The following JPH1 variants were observed in gnomAD, a reference collection of about 807,000 sequenced individuals.
JPH1 encodes the protein junctophilin 1, also known as junctophilin-1.
Under a neutral mutation model 53.6 loss-of-function variants are expected in JPH1, and 12 were observed. That is an observed-to-expected ratio of 0.22 (90% CI 0.14 to 0.36). The LOEUF is 0.36. JPH1 is among the 10% of genes least tolerant of loss of function. The pLI is 1.00. For synonymous variants in JPH1, 375 were observed against 363.8 expected, an observed-to-expected ratio of 1.03 and a Z score of -0.35; for missense variants, 808 against 905.5, an observed-to-expected ratio of 0.89 and a Z score of 1.38.
intron 2 of JPH1, among the ~76,000 whole-genome samples, chr8:74,303,691 C>T (rs188487146): frequency 1.3e-5 from 2 of 152,206 alleles, no homozygotes; most frequent in Admixed American, 1.3e-4. Context: ...TCAAGTGATC[C>T]TCCTGCCTCA....
At chr8:74,313,605 AT>A (rs143823341) in intron 2 of JPH1, among the ~76,000 whole-genome samples, 10 of 150,692 alleles carry the variant, frequency 6.6e-5, no homozygotes, top group South Asian at 2.1e-4. Context: ...TGATGTCACC[AT>A]TTTTTTTTGT....
chr8:74,288,776 AT>A (rs1170189162), intron 2 of JPH1, among the ~76,000 whole-genome samples: 1 of 152,262 alleles, frequency 6.6e-6, no homozygotes, highest in Non-Finnish European at 1.5e-5. Context: ...TGGCGCAAAA[AT>A]AGCAATTACT....
At chr8:74,279,431 C>A (rs1806944922) in intron 2 of JPH1, among the ~76,000 whole-genome samples, 1 of 152,164 alleles carries the variant, frequency 6.6e-6, no homozygotes, top group Non-Finnish European at 1.5e-5. Flanking sequence ...AGTCCTAAAA[C>A]CAGGGCTGCC....
chr8:74,285,378 C>T (rs909839487), intron 2 of JPH1, among the ~76,000 whole-genome samples: 6 of 151,448 alleles, frequency 4.0e-5, no homozygotes, highest in South Asian at 2.1e-4. Context: ...GCATGTGAGC[C>T]GGTACTACTT....
chr8:74,250,997 A>C (rs1344377761), intron 3 of JPH1, among the ~76,000 whole-genome samples: 2 of 152,220 alleles, frequency 1.3e-5, no homozygotes, highest in Non-Finnish European at 2.9e-5. Context: ...ACTGGTGAAC[A>C]TGGAATCAGA....
At chr8:74,254,126 C>A (rs1330694776) in intron 3 of JPH1, among the ~76,000 whole-genome samples, 4 of 152,000 alleles carry the variant, frequency 2.6e-5, no homozygotes, top group Non-Finnish European at 5.9e-5. Context: ...TTGATGAACA[C>A]TGATGCAAAA....
intron 2 of JPH1, 58 bp from the exon 3 acceptor site, chr8:74,259,561 G>T: frequency 1.7e-6 from 2 of 1,205,718 alleles, no homozygotes; most frequent in Non-Finnish European, 2.3e-6. Flanking sequence ...CTTACACAGG[G>T]ACAAGCAAAT....
chr8:74,319,351 GA>G (rs1346951391), intron 1 of JPH1, among the ~76,000 whole-genome samples: 1 of 152,088 alleles, frequency 6.6e-6, no homozygotes, highest in East Asian at 1.9e-4. Flanking sequence ...TTTGAGCATG[GA>G]ATTTAGTTAT....
intron 2 of JPH1, among the ~76,000 whole-genome samples, chr8:74,295,084 G>A (rs1453394912): frequency 1.3e-5 from 2 of 152,164 alleles, no homozygotes; most frequent in East Asian, 3.9e-4. Flanking sequence ...AAACAAATGA[G>A]AGCTCCTAAT....
intron 2 of JPH1, among the ~76,000 whole-genome samples, chr8:74,296,844 C>T (rs1296822279): frequency 6.6e-6 from 1 of 152,072 alleles, no homozygotes; most frequent in Non-Finnish European, 1.5e-5. Flanking sequence ...ATAAATATAT[C>T]CAAGAAATCC....
At chr8:74,287,410 ACT>A (rs965908429) in intron 2 of JPH1, among the ~76,000 whole-genome samples, 29 of 149,242 alleles carry the variant, frequency 1.9e-4, no homozygotes, top group African/African-American at 6.8e-4. Context: ...ACAGAGCGAG[ACT>A]CTGTCTCAAA....
chr8:74,256,818 T>C (rs968604204), intron 3 of JPH1, among the ~76,000 whole-genome samples: 1 of 152,230 alleles, frequency 6.6e-6, no homozygotes, highest in Non-Finnish European at 1.5e-5. Flanking sequence ...GGAAAATATC[T>C]GAAAATACTG....
chr8:74,282,161 G>A (rs752063825), intron 2 of JPH1, among the ~76,000 whole-genome samples: 2 of 152,124 alleles, frequency 1.3e-5, no homozygotes, highest in Non-Finnish European at 1.5e-5. Context: ...ACTTGCCCAA[G>A]TTGGAGTCAA....
intron 2 of JPH1, among the ~76,000 whole-genome samples, chr8:74,291,930 A>T (rs996650936): frequency 2.6e-5 from 4 of 152,224 alleles, no homozygotes; most frequent in Non-Finnish European, 5.9e-5. Context: ...GCAAGGACAG[A>T]AAACCAAACA....
chr8:74,243,929 C>CA (rs1805769746), intron 4 of JPH1, among the ~76,000 whole-genome samples: 1 of 152,182 alleles, frequency 6.6e-6, no homozygotes, highest in Admixed American at 6.5e-5. Flanking sequence ...TTTGAAAAGA[C>CA]AGAAGACCAA....
chr8:74,288,794 C>T (rs1807241286), intron 2 of JPH1, among the ~76,000 whole-genome samples: 1 of 152,168 alleles, frequency 6.6e-6, no homozygotes, highest in Non-Finnish European at 1.5e-5. Flanking sequence ...TACTTTTGCA[C>T]CAACCTAATA....
intron 4 of JPH1, among the ~76,000 whole-genome samples, chr8:74,240,891 C>G (rs1015985906): frequency 6.6e-6 from 1 of 152,042 alleles, no homozygotes; most frequent in African/African-American, 2.4e-5. Context: ...TTATCTAACC[C>G]CTTTGAATTA....
chr8:74,321,021 A>G lies in JPH1; in HGVS notation c.267T>C (p.Gly89=), dbSNP rs1012528517. 3.7e-6 allele frequency: 6 copies of G among 1,612,232 alleles called. No individual in the cohort carries two copies. Among genetic ancestry groups the G allele is most frequent in the Non-Finnish European group, 5.1e-6 (6 of 1,179,336 alleles). The change falls in exon 1 of 6, where the codon GGT becomes GGC. Residue 89 remains glycine, a synonymous_variant. Coordinates refer to ENST00000342232, the MANE Select transcript of JPH1 (RefSeq NM_020647.4). This position sits in a 1 kb window ranked among gnomAD's most constrained non-coding sequence, Gnocchi z 4.3. Reference sequence around the variant, plus strand: ...GCCGGACCCCGTAGCGCCCCTTGAAACCATGTGACCACTCCCCCCGGTACA... The same window carrying G: ...GCCGGACCCCGTAGCGCCCCTTGAAGCCATGTGACCACTCCCCCCGGTACA... The part of the protein sequence containing the change: ...KWMYRGEWSH[G]FKGRYGVRQS...
At chr8:74,286,919 GAAAATGGAAAAT>G (rs551631090) in intron 2 of JPH1, among the ~76,000 whole-genome samples, 4 of 152,090 alleles carry the variant, frequency 2.6e-5, no homozygotes, top group Admixed American at 6.5e-5. Context: ...CATTTCCCAA[GAAAATGGAAAAT>G]AAAATGGAAA....
Sources: allele counts gnomAD v4.1 joint callset (sites outside exome capture counted in the v4.1 genomes callset), GRCh38; gene constraint gnomAD v4.1.1; non-coding constraint Gnocchi (gnomAD v3.1); transcripts MANE v1.5; gene names NCBI Gene and HGNC (gene_info 2026-07-23, HGNC 2026-07-21).